Variants in MAML3 observed in about 807,000 individuals in gnomAD.
MAML3 encodes mastermind-like protein 3.
Under a neutral mutation model 101.9 loss-of-function variants are expected in MAML3, and 27 were observed. That is an observed-to-expected ratio of 0.27 (90% CI 0.20 to 0.37). MAML3 has a LOEUF of 0.37. Ranked by LOEUF, MAML3 falls within the 10% of genes least tolerant of loss-of-function variation. MAML3 has a pLI of 1.00. For missense variants in MAML3, 1,316 were observed against 1,444.9 expected, an observed-to-expected ratio of 0.91 and a Z score of 1.45; for synonymous variants, 501 against 555.9, an observed-to-expected ratio of 0.90 and a Z score of 1.39.
chr4:139,811,397 T>C (rs1173405658), intron 2 of MAML3, among the ~76,000 whole-genome samples: 1 of 152,196 alleles, frequency 6.6e-6, no homozygotes, highest in African/African-American at 2.4e-5. Flanking sequence ...CTACTTAGGC[T>C]GCTCTGGAGT....
chr4:139,878,861 C>G (rs1262986728), intron 2 of MAML3, among the ~76,000 whole-genome samples: 2 of 152,148 alleles, frequency 1.3e-5, no homozygotes, highest in Admixed American at 1.3e-4. Flanking sequence ...CTTGTGTCGC[C>G]TTTAATGTGT....
In MAML3 at chr4:139,822,225, TCACCACCACCAC is replaced by T. The variant is rs34942904; in HGVS notation, c.2079+67120_2079+67131del. ...AGGATCATCATTATCATTATCACCA[TCACCACCACCAC>T]CACCACCACCACCACCACCACCACC... is the stretch of plus-strand genomic sequence containing the variant. On this transcript the variant is annotated intron_variant, in intron 2 of 4. Coordinates refer to ENST00000509479, the MANE Select transcript of MAML3 (RefSeq NM_018717.5). Among the ~76,000 whole-genome samples the T allele has an allele frequency of 5.3e-3, 669 of 126,672 alleles. 1 individual carries two copies. The highest frequency in any genetic ancestry group is 8.9e-3 in the South Asian group (30 of 3,356). 83.1% of individuals were successfully genotyped at this position (126,672 alleles called of 152,430 possible).
In MAML3 at chr4:139,830,694, G is replaced by A. The variant is rs28464835; in HGVS notation, c.2079+58663C>T. Among the ~76,000 whole-genome samples the A allele has an allele frequency of 3.0e-3, 458 of 152,192 alleles. 2 individuals carry two copies. Among genetic ancestry groups the A allele is most frequent in the Middle Eastern group, 0.017 (5 of 294 alleles). ...CTCCCAAAGTGCTGGGATTACAGGC[G>A]TGAGCCACTGCGCCTGGCCTACACT... is the stretch of plus-strand genomic sequence containing the variant. On this transcript the variant is annotated intron_variant, in intron 2 of 4. Coordinates refer to ENST00000509479, the MANE Select transcript of MAML3 (RefSeq NM_018717.5).
At chr4:140,078,934 G>A (rs1302725005) in intron 1 of MAML3, among the ~76,000 whole-genome samples, 1 of 152,208 alleles carries the variant, frequency 6.6e-6, no homozygotes, top group African/African-American at 2.4e-5. Flanking sequence ...CAGACAGAGA[G>A]AGAAAGTCTG....
At chr4:140,014,960 G>A (rs978862332) in intron 1 of MAML3, among the ~76,000 whole-genome samples, 2 of 152,112 alleles carry the variant, frequency 1.3e-5, no homozygotes, top group Admixed American at 1.3e-4. Context: ...AGAAAGTAAA[G>A]TTGCACATTC....
At chr4:139,902,017 T>C (rs9884961) in intron 1 of MAML3, among the ~76,000 whole-genome samples, 1 of 152,044 alleles carries the variant, frequency 6.6e-6, no homozygotes, top group Non-Finnish European at 1.5e-5. Flanking sequence ...TAAAATCCCA[T>C]CACATGTTTA....
At chr4:139,821,450 G>A (rs902567493) in intron 2 of MAML3, among the ~76,000 whole-genome samples, 3 of 152,164 alleles carry the variant, frequency 2.0e-5, no homozygotes, top group African/African-American at 4.8e-5. Context: ...AATGATCTGA[G>A]GTGGAAGAGC....
intron 1 of MAML3, among the ~76,000 whole-genome samples, chr4:139,954,799 C>T (rs1393078340): frequency 2.6e-5 from 4 of 152,038 alleles, no homozygotes; most frequent in Non-Finnish European, 2.9e-5. Flanking sequence ...GGATTACAGG[C>T]ACATGTCATT....
chr4:140,003,355 G>A (rs929974175), intron 1 of MAML3, among the ~76,000 whole-genome samples: 26 of 152,146 alleles, frequency 1.7e-4, no homozygotes, highest in Admixed American at 1.5e-3. Flanking sequence ...TGGGAGAAAA[G>A]TACCTAGTAA....
At chr4:139,943,864 C>CTTTTTTTTTTTTT (rs10644498) in intron 1 of MAML3, among the ~76,000 whole-genome samples, 5 of 65,862 alleles carry the variant, frequency 7.6e-5, no homozygotes, top group East Asian at 5.2e-4. Context: ...CTAAAGACAA[C>CTTTTTTTTTTTTT]TTTTTTTTTT....
chr4:139,752,652 A>C (rs1729537394), intron 2 of MAML3, among the ~76,000 whole-genome samples: 1 of 152,126 alleles, frequency 6.6e-6, no homozygotes, highest in South Asian at 2.1e-4. Flanking sequence ...ATAATAAAAA[A>C]CCTTTACCAC....
chr4:139,830,410 ATTTTTT>A (rs1157293904), intron 2 of MAML3, among the ~76,000 whole-genome samples: 1 of 121,304 alleles, frequency 8.2e-6, no homozygotes, highest in African/African-American at 3.9e-5. Context: ...ACGCTGTGCT[ATTTTTT>A]TTTTTTTTTT....
At chr4:140,140,181 G>A (rs910385018) in intron 1 of MAML3, among the ~76,000 whole-genome samples, 7 of 151,988 alleles carry the variant, frequency 4.6e-5, no homozygotes, top group Admixed American at 2.6e-4. Context: ...AAAATTAGCC[G>A]GGCATGGTGG....
At chr4:139,840,171 G>A (rs1455548266) in intron 2 of MAML3, among the ~76,000 whole-genome samples, 3 of 152,138 alleles carry the variant, frequency 2.0e-5, no homozygotes, top group Non-Finnish European at 2.9e-5. Context: ...GACACTACAT[G>A]GTCCCCTGGC....
intron 2 of MAML3, among the ~76,000 whole-genome samples, chr4:139,872,427 GA>G (rs1365859121): frequency 6.6e-6 from 1 of 152,200 alleles, no homozygotes; most frequent in Non-Finnish European, 1.5e-5. Context: ...ATCTTGCTGT[GA>G]ATAATACAAA....
At chr4:140,141,142 T>C (rs1728972883) in intron 1 of MAML3, among the ~76,000 whole-genome samples, 1 of 151,956 alleles carries the variant, frequency 6.6e-6, no homozygotes, top group East Asian at 1.9e-4. Flanking sequence ...ACTGTGAAAA[T>C]ATAGACGATA....
At chr4:140,127,358 G>A (rs895659716) in intron 1 of MAML3, among the ~76,000 whole-genome samples, 13 of 152,212 alleles carry the variant, frequency 8.5e-5, no homozygotes, top group African/African-American at 2.7e-4. Context: ...GCTCCTAAGC[G>A]GTGCCATGTG....
intron 1 of MAML3, among the ~76,000 whole-genome samples, chr4:139,921,855 C>A (rs182958843): frequency 6.6e-6 from 1 of 152,202 alleles, no homozygotes; most frequent in African/African-American, 2.4e-5. Flanking sequence ...TGCATTGCTG[C>A]GGCTCACTGC....
At chr4:140,061,725 C>T (rs940241353) in intron 1 of MAML3, among the ~76,000 whole-genome samples, 5 of 152,164 alleles carry the variant, frequency 3.3e-5, no homozygotes, top group Non-Finnish European at 5.9e-5. Flanking sequence ...AAGCGGTCAC[C>T]TTAGTCCAAA....
Sources: gnomAD v4.1 joint callset for allele counts (sites outside exome capture counted in the v4.1 genomes callset) on GRCh38, gnomAD v4.1.1 for gene constraint, MANE v1.5 for transcripts, NCBI Gene and HGNC (gene_info 2026-07-23, HGNC 2026-07-21) for gene names.